Variants in ENAH observed in about 807,000 individuals in gnomAD.
ENAH encodes the protein protein enabled homolog.
A neutral mutation model predicts 78.7 loss-of-function variants in ENAH; 23 were observed. The observed-to-expected ratio is 0.29, with a 90% CI of 0.21 to 0.41. The LOEUF (loss-of-function observed/expected upper bound fraction) is 0.41. Ranked by LOEUF, ENAH falls within the 10% of genes least tolerant of loss-of-function variation. The pLI is 1.00. For missense variants in ENAH, 544 were observed against 691.0 expected, an observed-to-expected ratio of 0.79 and a Z score of 2.39; for synonymous variants, 226 against 241.0, an observed-to-expected ratio of 0.94 and a Z score of 0.58.
intron 1 of ENAH, among the ~76,000 whole-genome samples, chr1:225,587,870 G>T (rs1223090706): frequency 1.3e-5 from 2 of 151,986 alleles, no homozygotes; most frequent in Admixed American, 1.3e-4. Flanking sequence ...TTTTTAAAAA[G>T]ACGTCAGTGG....
intron 1 of ENAH, among the ~76,000 whole-genome samples, chr1:225,570,986 CACATA>C (rs957152304): frequency 6.6e-6 from 1 of 152,010 alleles, no homozygotes; most frequent in Admixed American, 6.6e-5. Context: ...GTATAAAATA[CACATA>C]ACATAACAAA....
chr1:225,496,814 C>T lies in ENAH; in HGVS notation c.*961G>A, dbSNP rs2151016755. On this transcript the variant is annotated 3_prime_UTR_variant, in exon 14 of 14. Coordinates refer to ENST00000366843, the MANE Select transcript of ENAH (RefSeq NM_018212.6). ...ATTATTCCTCCCCTTCCTCCCACTCCCCTATACTCTACAAAATGTTTTCCC... is the reference window on the plus strand; with the variant it reads ...ATTATTCCTCCCCTTCCTCCCACTCTCCTATACTCTACAAAATGTTTTCCC... 6.6e-6 allele frequency: 1 copy of T among 152,544 alleles called. No individual in the cohort carries two copies. The highest frequency in any genetic ancestry group is 3.4e-3 in the Middle Eastern group (1 of 290). 9.4% of individuals were successfully genotyped at this position (152,544 alleles called of 1,614,324 possible).
rs181107242 is a variant in ENAH at position 225,633,920 on chromosome 1, T to C, written c.5+18766A>G. ...TTCAGCTATGAGGCCTCTGGATCAG[T>C]AAGGACATTTAATATCAGGTCTTTG... On this transcript the variant is annotated intron_variant, in intron 1 of 13. Coordinates refer to ENST00000366843, the MANE Select transcript of ENAH (RefSeq NM_018212.6). Among the ~76,000 whole-genome samples, 56 of 152,340 alleles carry C rather than the reference T, an allele frequency of 3.7e-4. 1 individual carries two copies. Among genetic ancestry groups the C allele is most frequent in the Admixed American group, 3.0e-3 (46 of 15,304 alleles).
intron 4 of ENAH, among the ~76,000 whole-genome samples, chr1:225,522,998 C>CA (rs1465217962): frequency 1.3e-5 from 2 of 152,064 alleles, no homozygotes; most frequent in African/African-American, 2.4e-5. Context: ...TCAACCCTCC[C>CA]ACCCGTTTCC....
At chr1:225,542,206 C>T (rs1343809015) in intron 3 of ENAH, among the ~76,000 whole-genome samples, 1 of 152,152 alleles carries the variant, frequency 6.6e-6, no homozygotes, top group Non-Finnish European at 1.5e-5. Flanking sequence ...AACAAGAGAA[C>T]TGGACATAAA....
At chr1:225,518,206 GT>G (rs1467826720) in intron 5 of ENAH, among the ~76,000 whole-genome samples, 1 of 152,134 alleles carries the variant, frequency 6.6e-6, no homozygotes, top group East Asian at 1.9e-4. Context: ...GATGAAATAA[GT>G]TTCCTTTTAT....
At chr1:225,520,703 A>G (rs1195900859) in intron 4 of ENAH, among the ~76,000 whole-genome samples, 1 of 151,992 alleles carries the variant, frequency 6.6e-6, no homozygotes, top group Non-Finnish European at 1.5e-5. Flanking sequence ...AAAAAATTTT[A>G]AAATCAGCCA....
At chr1:225,508,132 TAAAA>T in intron 10 of ENAH, 115 bp from the exon 11 acceptor site, 1 of 535,574 alleles carries the variant, frequency 1.9e-6, no homozygotes, top group Non-Finnish European at 3.0e-6. Context: ...GTAATATAAA[TAAAA>T]ATTTAAATTC....
chr1:225,501,819 T>G lies in ENAH; in HGVS notation c.1539-749A>C, dbSNP rs111605646. Among the ~76,000 whole-genome samples, 997 of 152,308 alleles carry G rather than the reference T, an allele frequency of 6.5e-3. 12 individuals carry two copies. Among genetic ancestry groups the G allele is most frequent in the African/African-American group, 0.023 (967 of 41,568 alleles). On this transcript the variant is annotated intron_variant, in intron 11 of 13. Coordinates refer to ENST00000366843, the MANE Select transcript of ENAH (RefSeq NM_018212.6). ...TTATTGCACTTTCAAAAGTTTAGTT[T>G]CTATTATAATTCTTAATAAGTCAAT...
intron 1 of ENAH, among the ~76,000 whole-genome samples, chr1:225,573,553 A>T (rs1362397013): frequency 6.6e-6 from 1 of 152,216 alleles, no homozygotes; most frequent in Non-Finnish European, 1.5e-5. Context: ...TTTTAAAGAT[A>T]ACTGTAGCTA....
rs528866555 is a variant in ENAH at position 225,550,157 on chromosome 1, C to G, written c.349+4749G>C. Among the ~76,000 whole-genome samples the G allele has an allele frequency of 1.6e-4, 25 of 152,314 alleles. No homozygotes were observed. The East Asian group carries it at 4.8e-3, about 29-fold the overall frequency. On this transcript the variant is annotated intron_variant, in intron 3 of 13. Transcript: ENST00000366843. ...TTCCCAATTGCTCCATGCTCTCATG[C>G]TTCCAAACCTATCTAGAATGTTCTA... is the stretch of plus-strand genomic sequence containing the variant.
chr1:225,651,019 C>A (rs182836801), intron 1 of ENAH, among the ~76,000 whole-genome samples: 15 of 151,738 alleles, frequency 9.9e-5, no homozygotes, highest in Admixed American at 8.5e-4. Context: ...CAAGATATAA[C>A]AGTATGTATA....
chr1:225,527,850 T>C (rs1398359383), intron 4 of ENAH, among the ~76,000 whole-genome samples: 2 of 152,142 alleles, frequency 1.3e-5, no homozygotes, highest in East Asian at 1.9e-4. Context: ...ACCTCCTCCG[T>C]GAACCTCCCA....
chr1:225,594,688 T>C (rs1412724519), intron 1 of ENAH, among the ~76,000 whole-genome samples: 3 of 152,240 alleles, frequency 2.0e-5, no homozygotes, highest in African/African-American at 7.2e-5. Context: ...AATTAGTAAA[T>C]GGAACATAAT....
chr1:225,568,602 C>T (rs1373775321), intron 1 of ENAH, among the ~76,000 whole-genome samples: 3 of 152,218 alleles, frequency 2.0e-5, no homozygotes, highest in African/African-American at 4.8e-5. Flanking sequence ...CTTATTCTAT[C>T]AATTTTATCT....
chr1:225,646,102 A>G (rs1339505643), intron 1 of ENAH, among the ~76,000 whole-genome samples: 2 of 152,210 alleles, frequency 1.3e-5, no homozygotes, highest in African/African-American at 4.8e-5. Flanking sequence ...TACTTAAAAC[A>G]AAACTTATCT....
chr1:225,596,279 AG>A (rs753127615), intron 1 of ENAH, among the ~76,000 whole-genome samples: 25 of 152,214 alleles, frequency 1.6e-4, no homozygotes, highest in Non-Finnish European at 1.8e-4. Flanking sequence ...AGTGATAACC[AG>A]GAATTTATAT....
intron 2 of ENAH, among the ~76,000 whole-genome samples, chr1:225,557,010 C>A (rs2151437406): frequency 6.6e-6 from 1 of 152,258 alleles, no homozygotes; most frequent in South Asian, 2.1e-4. Context: ...TGCCTTTTTG[C>A]CAACTCTACA....
intron 4 of ENAH, among the ~76,000 whole-genome samples, chr1:225,520,326 A>C (rs1463563687): frequency 1.3e-5 from 2 of 150,082 alleles, no homozygotes; most frequent in African/African-American, 4.9e-5. Flanking sequence ...TGAATGAAAA[A>C]GAGTCAAGAA....
Sources: gnomAD v4.1 joint callset for allele counts (sites outside exome capture counted in the v4.1 genomes callset) on GRCh38, gnomAD v4.1.1 for gene constraint, MANE v1.5 for transcripts, NCBI Gene and HGNC (gene_info 2026-07-23, HGNC 2026-07-21) for gene names.